Variants in SHARPIN observed in about 807,000 individuals in gnomAD.
SHARPIN encodes the protein hSIPL1.
SHARPIN carries 25 observed loss-of-function variants against 40.3 expected under a neutral mutation model. The ratio of observed to expected loss-of-function variants is 0.62; its 90% CI spans 0.45 to 0.87. The LOEUF is 0.87. Ranked by LOEUF, SHARPIN falls within the 40% of genes least tolerant of loss-of-function variation. The probability of loss-of-function intolerance (pLI) is 0.00; values close to 1 mark genes in which losing one functional copy is unlikely to be tolerated. For synonymous variants in SHARPIN, 274 were observed against 221.8 expected, an observed-to-expected ratio of 1.24 and a Z score of -2.09; for missense variants, 551 against 516.1, an observed-to-expected ratio of 1.07 and a Z score of -0.66.
Position 144,100,001 on chromosome 8 carries a change from C to T in SHARPIN, c.445G>A (p.Glu149Lys), listed in dbSNP as rs1564314014. ...ACPVSLPSPP[E>K]ASTLKGPPPE... is the part of the protein sequence containing the mutation. ...GGAGGGCCCTTGAGTGTGGAGGCTT[C>T]CGGGGGACTGGGCAGGGAGACAGGG... The change falls in exon 3 of 9, where the codon GAA (glutamate) becomes AAA (lysine). Residue 149 changes from glutamate to lysine, a missense_variant. Glu to Lys is a moderately conservative substitution (Grantham distance 56, BLOSUM62 1). Coordinates refer to ENST00000398712, the MANE Select transcript of SHARPIN (RefSeq NM_030974.4). 2 of 1,607,964 alleles carry T rather than the reference C, an allele frequency of 1.2e-6. No individual in the cohort carries two copies. Among genetic ancestry groups the T allele is most frequent in the Admixed American group, 1.7e-5 (1 of 59,316 alleles).
intron 2 of SHARPIN, among the ~76,000 whole-genome samples, chr8:144,100,449 G>A (rs893157590): frequency 3.9e-5 from 6 of 152,154 alleles, no homozygotes; most frequent in African/African-American, 4.8e-5. Context: ...TCCCCTCTCC[G>A]GGCTCCCTGA....
chr8:144,099,659 G>A (rs1262201235), intron 4 of SHARPIN, 41 bp from the exon 5 acceptor site: 1 of 1,613,084 alleles, frequency 6.2e-7, no homozygotes, highest in Non-Finnish European at 8.5e-7. Flanking sequence ...GGGGGACCTG[G>A]GATGGTCACG....
rs1185913592 is a variant in SHARPIN, at chr8:144,100,073, G to C, written c.377-4C>G. On this transcript the variant is annotated splice_region_variant and splice_polypyrimidine_tract_variant and intron_variant, in intron 2 of 8. Coordinates refer to ENST00000398712, the MANE Select transcript of SHARPIN (RefSeq NM_030974.4). Reference sequence around the variant, plus strand: ...GGTGGTGAGTTGCTCTTGCTGCCTAGAGGTAAGATATGGGTGTGCTGTGCT... The same window carrying C: ...GGTGGTGAGTTGCTCTTGCTGCCTACAGGTAAGATATGGGTGTGCTGTGCT... 6.4e-7 allele frequency: 1 copy of C among 1,568,042 alleles called. No individual in the cohort carries two copies. The highest frequency in any genetic ancestry group is 2.2e-5 in the East Asian group (1 of 44,664).
intron 2 of SHARPIN, among the ~76,000 whole-genome samples, chr8:144,101,385 C>T (rs2129991181): frequency 6.9e-6 from 1 of 145,888 alleles, no homozygotes; most frequent in South Asian, 2.2e-4. Context: ...TACAGGCAGA[C>T]ACGACTACAC....
At position 144,098,862 on chromosome 8, in the gene SHARPIN, G is replaced by GT; in HGVS notation, c.*12+3dup. On this transcript the variant is annotated splice_donor_region_variant and intron_variant, in intron 8 of 8. Coordinates refer to ENST00000398712, the MANE Select transcript of SHARPIN (RefSeq NM_030974.4). The stretch of plus-strand genomic sequence containing the variant: ...ACCTCCCCTGCCTGTGCCACCTCTG[G>GT]TACCTCTGGTGGCTGCTAGGTGGAA... 6.4e-7 allele frequency: 1 copy of GT among 1,568,880 alleles called. No homozygotes were observed. The highest frequency in any genetic ancestry group is 1.2e-5 in the South Asian group (1 of 86,002).
chr8:144,099,208 G>A lies in SHARPIN; in HGVS notation c.923-3C>T. Reference sequence around the variant, plus strand: ...GTGCTGAGGGCTAGGTCCTGTGGCTGAGGGGGTGGAGCTCAGGACTGTGGG... The same window carrying A: ...GTGCTGAGGGCTAGGTCCTGTGGCTAAGGGGGTGGAGCTCAGGACTGTGGG... On this transcript the variant is annotated splice_polypyrimidine_tract_variant and splice_region_variant and intron_variant, in intron 6 of 8. Transcript: ENST00000398712. 1 of 1,607,538 alleles carries A rather than the reference G, an allele frequency of 6.2e-7. No individual in the cohort carries two copies. The highest frequency in any genetic ancestry group is 1.7e-5 in the Admixed American group (1 of 58,246).
At chr8:144,101,808 T>C (rs1017597493) in intron 2 of SHARPIN, among the ~76,000 whole-genome samples, 13 of 152,010 alleles carry the variant, frequency 8.6e-5, no homozygotes, top group African/African-American at 3.1e-4. Flanking sequence ...CAAGCTCCAA[T>C]AGGATGGGGA....
intron 2 of SHARPIN, chr8:144,102,835 A>C: frequency 1.6e-6 from 1 of 641,092 alleles, no homozygotes; most frequent in Non-Finnish European, 2.8e-6. Flanking sequence ...TTCCTGGTGG[A>C]GGCTGCAACT....
In SHARPIN at chr8:144,101,805, C is replaced by T. The variant is rs531819911; in HGVS notation, c.376+1246G>A. 4.6e-5 allele frequency among the ~76,000 whole-genome samples: 7 copies of T among 152,140 alleles called. No individual in the cohort carries two copies. In the South Asian group the frequency reaches 6.2e-4, roughly 14 times the overall value. Reference sequence around the variant, plus strand: ...TCCTCCCCTCTAAAAATGCAAGCTCCAATAGGATGGGGATGGGAGGTTTTG... The same window carrying T: ...TCCTCCCCTCTAAAAATGCAAGCTCTAATAGGATGGGGATGGGAGGTTTTG... On this transcript the variant is annotated intron_variant, in intron 2 of 8. Transcript: ENST00000398712.
At chr8:144,100,124 C>T (rs1836261889) in intron 2 of SHARPIN, 55 bp from the exon 3 acceptor site, 2 of 1,512,304 alleles carry the variant, frequency 1.3e-6, no homozygotes, top group East Asian at 4.6e-5. Context: ...GCCTCTAGGC[C>T]CTTGGTTTTC....
Position 144,099,355 on chromosome 8 carries a change from T to C in SHARPIN, c.844A>G (p.Ser282Gly). 6.2e-7 allele frequency: 1 copy of C among 1,614,068 alleles called. No individual in the cohort carries two copies. The highest frequency in any genetic ancestry group is 8.5e-7 in the Non-Finnish European group (1 of 1,179,970). Residue 282 changes from serine to glycine, a missense_variant, in exon 6 of 9, where the codon AGC (serine) becomes GGC (glycine). Transcript: ENST00000398712. ...TGCCGAACCCCGTAAGAGGCAAGGC[T>C]GCGCTCAGGCACACACAGGCACCGT... ...IGRCLCVPER[S>G]LASYGVRQDG...
chr8:144,103,704 G>A lies in SHARPIN; in HGVS notation c.50C>T (p.Ser17Phe), dbSNP rs34173062. 0.073 allele frequency: 107,015 copies of A among 1,475,258 alleles called. 4,567 individuals carry two copies. Among genetic ancestry groups the A allele is most frequent in the Middle Eastern group, 0.18 (744 of 4,184 alleles). The allele number at this position is 1,475,258 out of a possible 1,614,324, so 91.4% of individuals were successfully genotyped here. The change falls in exon 1 of 9, where the codon TCC becomes TTC. Residue 17 changes from serine to phenylalanine, a missense_variant. Coordinates refer to ENST00000398712, the MANE Select transcript of SHARPIN (RefSeq NM_030974.4). ...GAAAAASDLGSAAVLLAVHAA... is the reference protein window; with the variant it reads ...GAAAAASDLGFAAVLLAVHAA... ...GTGCACAGCCAAGAGCACTGCGGCG[G>A]AGCCCAAGTCCGAGGCCGCCGCCGC...
Position 144,098,722 on chromosome 8 carries a change from C to T in SHARPIN, c.*79G>A, listed in dbSNP as rs531045960. On this transcript the variant is annotated 3_prime_UTR_variant, in exon 9 of 9. Coordinates refer to ENST00000398712, the MANE Select transcript of SHARPIN (RefSeq NM_030974.4). ...GTCCCAGCAAGCAGTCAGTAGAGGT[C>T]CCCGGAGTTCAGTGGGGGCCTGGAG... is the stretch of plus-strand genomic sequence containing the variant. 153 of 569,658 alleles carry T rather than the reference C, an allele frequency of 2.7e-4. No individual in the cohort carries two copies. The South Asian group carries it at 3.6e-3, about 13-fold the overall frequency. The allele number at this position is 569,658 out of a possible 1,614,324, so 35.3% of individuals were successfully genotyped here. A position where few individuals can be genotyped will look rare whatever the true frequency, so the allele number is the denominator to read the frequency against.
chr8:144,103,471 G>A, intron 1 of SHARPIN, 82 bp downstream of exon 1: 1 of 1,384,044 alleles, frequency 7.2e-7, no homozygotes, highest in Non-Finnish European at 9.8e-7. Context: ...GCACCCAGGT[G>A]GCAAGCGGAG....
rs766741220 is a variant in SHARPIN at position 144,099,073 on chromosome 8, G to A, written c.1047+8C>T. On this transcript the variant is annotated splice_region_variant and intron_variant, in intron 7 of 8. Coordinates refer to ENST00000398712, the MANE Select transcript of SHARPIN (RefSeq NM_030974.4). ...GTCCTGGCCCTCCCTGCCCAGTCCC[G>A]TGCCCACCTGGAGTGGACTGGGCAG... 2.7e-5 allele frequency: 43 copies of A among 1,564,862 alleles called. No homozygotes were observed. Among genetic ancestry groups the A allele is most frequent in the South Asian group, 1.6e-4 (14 of 86,326 alleles).
rs1310571686 is a variant in SHARPIN at position 144,100,085 on chromosome 8, G to C, written c.377-16C>G. The C allele has an allele frequency of 6.4e-7, 1 of 1,556,092 alleles. No individual in the cohort carries two copies. The highest frequency in any genetic ancestry group is 8.7e-7 in the Non-Finnish European group (1 of 1,152,220). The stretch of plus-strand genomic sequence containing the variant: ...CTCTTGCTGCCTAGAGGTAAGATAT[G>C]GGTGTGCTGTGCTGTGGCCTCTGTC... On this transcript the variant is annotated splice_polypyrimidine_tract_variant and intron_variant, in intron 2 of 8. Coordinates refer to ENST00000398712, the MANE Select transcript of SHARPIN (RefSeq NM_030974.4).
At chr8:144,103,405 G>A (rs2130000914) in intron 1 of SHARPIN, 148 bp downstream of exon 1, 2 of 1,060,782 alleles carry the variant, frequency 1.9e-6, no homozygotes, top group Non-Finnish European at 2.7e-6. Context: ...AGGTCCGAGC[G>A]TCACCCCCAT....
Position 144,098,645 on chromosome 8 carries a change from A to C in SHARPIN, c.*156T>G. Reference sequence around the variant, plus strand: ...ATGAAAGGGATGCTTGCTGGCTCTTAAGGGTCTTTAATGGTTTCATTTTGT... The same window carrying C: ...ATGAAAGGGATGCTTGCTGGCTCTTCAGGGTCTTTAATGGTTTCATTTTGT... On this transcript the variant is annotated 3_prime_UTR_variant, in exon 9 of 9. Coordinates refer to ENST00000398712, the MANE Select transcript of SHARPIN (RefSeq NM_030974.4). The C allele has an allele frequency of 2.5e-6, 1 of 397,076 alleles. No individual in the cohort carries two copies. Among genetic ancestry groups the C allele is most frequent in the Non-Finnish European group, 4.5e-6 (1 of 220,158 alleles). 24.6% of individuals were successfully genotyped at this position (397,076 alleles called of 1,614,324 possible).
chr8:144,099,023 C>T, intron 7 of SHARPIN, 29 bp from the exon 8 acceptor site: 1 of 1,596,220 alleles, frequency 6.3e-7, no homozygotes, highest in Non-Finnish European at 8.5e-7. Context: ...TTGTTGCTTC[C>T]CTGCTCTTTC....
Sources: gnomAD v4.1 joint callset for allele counts (sites outside exome capture counted in the v4.1 genomes callset) on GRCh38, gnomAD v4.1.1 for gene constraint, MANE v1.5 for transcripts, NCBI Gene and HGNC (gene_info 2026-07-23, HGNC 2026-07-21) for gene names.